The following GPC6 variants were observed in gnomAD, a reference collection of about 807,000 sequenced individuals.
GPC6 encodes glypican-6.
GPC6 carries 14 observed loss-of-function variants against 55.2 expected under a neutral mutation model. That is an observed-to-expected ratio of 0.25 (90% confidence interval 0.17 to 0.40). The LOEUF is 0.40. Ranked by LOEUF, GPC6 falls within the 10% of genes least tolerant of loss-of-function variation. GPC6 has a pLI of 1.00. For synonymous variants in GPC6, 278 were observed against 259.6 expected (o/e 1.07, Z -0.68); for missense variants, 641 against 708.5 (o/e 0.90, Z 1.08).
At chr13:94,289,189 G>A (rs550909340) in intron 5 of GPC6, among the ~76,000 whole-genome samples, 27 of 151,634 alleles carry the variant, frequency 1.8e-4, no homozygotes, top group African/African-American at 6.1e-4. Context: ...TTAAGAAATG[G>A]ACCCATTTCA....
rs1305535676 is a variant in GPC6, at chr13:93,557,603, A to C, written c.319+12182A>C. ...TTCTCATTCTCTGGGCAGTGGCTGA[A>C]AACCTTTTACTAAGAGAAGTAGCTT... On this transcript the variant is annotated intron_variant, in intron 2 of 8. Coordinates refer to ENST00000377047, the MANE Select transcript of GPC6 (RefSeq NM_005708.5). Among the ~76,000 whole-genome samples, 3 of 152,288 alleles carry C rather than the reference A, an allele frequency of 2.0e-5. No homozygotes were observed. In the East Asian group the frequency reaches 5.8e-4, roughly 29 times the overall value.
chr13:94,049,397 A>G (rs376432742), intron 4 of GPC6, among the ~76,000 whole-genome samples: 1 of 152,220 alleles, frequency 6.6e-6, no homozygotes, highest in East Asian at 1.9e-4. Flanking sequence ...AGTGGCATCT[A>G]TGGATTGAGG....
intron 2 of GPC6, among the ~76,000 whole-genome samples, chr13:93,702,574 C>A (rs2138796599): frequency 6.6e-6 from 1 of 152,098 alleles, no homozygotes; most frequent in African/African-American, 2.4e-5. Context: ...TGTGAATGTC[C>A]TCGATGGCAT....
chr13:93,228,804 G>A (rs528463483), intron 1 of GPC6, among the ~76,000 whole-genome samples: 3 of 152,304 alleles, frequency 2.0e-5, no homozygotes, highest in South Asian at 4.1e-4. Flanking sequence ...CAAATAACTG[G>A]TGGATGGATG....
At chr13:94,400,232 C>T (rs558996309) in intron 8 of GPC6, among the ~76,000 whole-genome samples, 1 of 152,306 alleles carries the variant, frequency 6.6e-6, no homozygotes, top group South Asian at 2.1e-4. Flanking sequence ...TAAGCATCAG[C>T]ATCCTTATTG....
intron 2 of GPC6, among the ~76,000 whole-genome samples, chr13:93,814,006 A>T (rs1054691304): frequency 2.6e-5 from 4 of 152,136 alleles, no homozygotes; most frequent in African/African-American, 9.7e-5. Flanking sequence ...TGACTAACAC[A>T]TTCTAGGTGT....
intron 3 of GPC6, among the ~76,000 whole-genome samples, chr13:93,888,392 C>T (rs2140315548): frequency 2.0e-5 from 3 of 152,268 alleles, no homozygotes; most frequent in Middle Eastern, 6.8e-3. Flanking sequence ...GATATGATGC[C>T]TCTTGGCATA....
In GPC6 at chr13:93,681,128, A is replaced by G. The variant is rs183629110; in HGVS notation, c.319+135707A>G. The stretch of plus-strand genomic sequence containing the variant: ...TGTTAAGGTGTTTCTTTCGATCTTG[A>G]TAAGTATGAAGAAGATAACTCCAAA... On this transcript the variant is annotated intron_variant, in intron 2 of 8. Coordinates refer to ENST00000377047, the MANE Select transcript of GPC6 (RefSeq NM_005708.5). Among the ~76,000 whole-genome samples, 6 of 152,274 alleles carry G rather than the reference A, an allele frequency of 3.9e-5. No homozygotes were observed. The East Asian group carries it at 7.7e-4, about 20-fold the overall frequency.
At chr13:93,853,506 G>A (rs866481970) in intron 3 of GPC6, among the ~76,000 whole-genome samples, 11 of 151,448 alleles carry the variant, frequency 7.3e-5, no homozygotes, top group East Asian at 1.9e-4. Flanking sequence ...CTAATAGACC[G>A]TTCTATATAA....
chr13:94,331,237 G>C (rs1877399905), intron 6 of GPC6, among the ~76,000 whole-genome samples: 1 of 152,086 alleles, frequency 6.6e-6, no homozygotes, highest in African/African-American at 2.4e-5. Context: ...TTGGAACACA[G>C]CCCTGCTCAT....
chr13:93,977,470 GTGT>G (rs1880573203), intron 3 of GPC6, among the ~76,000 whole-genome samples: 173 of 4,818 alleles, frequency 0.036, 1 homozygote, highest in South Asian at 0.16. Context: ...GACAAGGGGT[GTGT>G]GTGTGTGTGT....
intron 1 of GPC6, among the ~76,000 whole-genome samples, chr13:93,295,647 AT>A (rs1426828160): frequency 6.6e-6 from 1 of 151,736 alleles, no homozygotes; most frequent in East Asian, 2.0e-4. Context: ...CGCTCGGGTA[AT>A]TTTTTTGTAT....
chr13:94,314,928 A>G (rs1350753743), intron 6 of GPC6, among the ~76,000 whole-genome samples: 2 of 152,244 alleles, frequency 1.3e-5, no homozygotes, highest in Admixed American at 6.5e-5. Context: ...AACCTCAGAC[A>G]TAAACATTGT....
At chr13:93,529,891 T>C (rs1423188265) in intron 1 of GPC6, among the ~76,000 whole-genome samples, 1 of 152,124 alleles carries the variant, frequency 6.6e-6, no homozygotes, top group African/African-American at 2.4e-5. Flanking sequence ...CCATTGCTTG[T>C]GTGTTATTGA....
chr13:93,610,731 C>A (rs1342518834), intron 2 of GPC6, among the ~76,000 whole-genome samples: 2 of 152,070 alleles, frequency 1.3e-5, no homozygotes, highest in Non-Finnish European at 2.9e-5. Flanking sequence ...AAAATAGCTT[C>A]ATAAAATAAT....
At chr13:93,898,182 T>C (rs1876120965) in intron 3 of GPC6, among the ~76,000 whole-genome samples, 1 of 152,140 alleles carries the variant, frequency 6.6e-6, no homozygotes, top group Admixed American at 6.6e-5. Flanking sequence ...TTAATGGTCC[T>C]AATAACGATC....
At chr13:93,650,642 C>G (rs1880370431) in intron 2 of GPC6, among the ~76,000 whole-genome samples, 2 of 152,190 alleles carry the variant, frequency 1.3e-5, no homozygotes, top group South Asian at 4.1e-4. Context: ...AGTCTTTGAT[C>G]AAGGCCATTT....
At chr13:93,749,690 T>C (rs892992571) in intron 2 of GPC6, among the ~76,000 whole-genome samples, 4 of 151,924 alleles carry the variant, frequency 2.6e-5, no homozygotes, top group Non-Finnish European at 5.9e-5. Context: ...ATAATAGTAA[T>C]GAAAAATGAA....
chr13:93,786,086 G>C (rs1566534766), intron 2 of GPC6, among the ~76,000 whole-genome samples: 1 of 152,138 alleles, frequency 6.6e-6, no homozygotes, highest in Non-Finnish European at 1.5e-5. Context: ...GGTGACTTAA[G>C]GCCTCCTTGG....
Sources: gnomAD v4.1 joint callset for allele counts (sites outside exome capture counted in the v4.1 genomes callset) on GRCh38, gnomAD v4.1.1 for gene constraint, MANE v1.5 for transcripts, NCBI Gene and HGNC (gene_info 2026-07-23, HGNC 2026-07-21) for gene names.